Variants in ARHGEF12 observed in about 807,000 individuals in gnomAD.
ARHGEF12 encodes Rho guanine nucleotide exchange factor 12, also known as KMT2A/ARHGEF12 fusion protein.
Under a neutral mutation model 211.2 loss-of-function variants are expected in ARHGEF12, and 66 were observed. The observed-to-expected ratio is 0.31, with a 90% confidence interval of 0.26 to 0.38. ARHGEF12 has a LOEUF of 0.38. Ranked by LOEUF, ARHGEF12 falls within the 10% of genes least tolerant of loss-of-function variation. ARHGEF12 has a pLI of 1.00. For missense variants in ARHGEF12, 1,429 were observed against 1,869.5 expected (o/e 0.76, Z 4.34); for synonymous variants, 592 against 638.4 (o/e 0.93, Z 1.09).
At chr11:120,380,689 T>C (rs1943853927) in intron 1 of ARHGEF12, among the ~76,000 whole-genome samples, 1 of 152,228 alleles carries the variant, frequency 6.6e-6, no homozygotes, top group South Asian at 2.1e-4. Flanking sequence ...GTTTCTTCAC[T>C]ATACTCTGTT....
intron 16 of ARHGEF12, among the ~76,000 whole-genome samples, chr11:120,445,778 A>G (rs186533812): frequency 1.3e-3 from 191 of 152,290 alleles, no homozygotes; most frequent in African/African-American, 3.7e-3. Flanking sequence ...CATGCCTGTA[A>G]TCCCAGCTAC....
chr11:120,349,999 T>C (rs1942886507), intron 1 of ARHGEF12, among the ~76,000 whole-genome samples: 1 of 152,248 alleles, frequency 6.6e-6, no homozygotes, highest in Admixed American at 6.5e-5. Flanking sequence ...TAGTTTGGAT[T>C]GGCAGTATAC....
intron 11 of ARHGEF12, among the ~76,000 whole-genome samples, chr11:120,434,961 C>T (rs1474083225): frequency 2.6e-5 from 4 of 152,162 alleles, no homozygotes; most frequent in South Asian, 2.1e-4. Flanking sequence ...CCAAGGCATT[C>T]GTTTATTAAT....
In ARHGEF12 at chr11:120,465,427, G is replaced by A. The variant is rs543167807; in HGVS notation, c.2739+65G>A. 4 of 1,583,424 alleles carry A rather than the reference G, an allele frequency of 2.5e-6. No individual in the cohort carries two copies. In the South Asian group the frequency reaches 3.4e-5, roughly 13 times the overall value. ...GTTTTTATCAATTATCAGATAAACT[G>A]GGGGAATTCTGACTAAGACTTTTAC... On this transcript the variant is annotated intron_variant, in intron 28 of 40. Transcript: ENST00000397843.
In ARHGEF12 at chr11:120,422,325, A is replaced by G. The variant is rs150046859; in HGVS notation, c.348+473A>G. Among the ~76,000 whole-genome samples, 514 of 152,282 alleles carry G rather than the reference A, an allele frequency of 3.4e-3. 2 individuals are homozygous for G. Among genetic ancestry groups the G allele is most frequent in the Non-Finnish European group, 5.1e-3 (345 of 68,020 alleles). On this transcript the variant is annotated intron_variant, in intron 6 of 40. Transcript: ENST00000397843. ...CTTGAGCCTGTATTACCAGCTACTC[A>G]GGAGGCTGAGGTGGGAGGATTGCTT...
At chr11:120,359,673 AG>A (rs1385059712) in intron 1 of ARHGEF12, among the ~76,000 whole-genome samples, 11 of 152,362 alleles carry the variant, frequency 7.2e-5, no homozygotes, top group African/African-American at 2.2e-4. Flanking sequence ...TGGTAGTTGA[AG>A]AAACTTGAAT....
chr11:120,381,600 G>A (rs904725587), intron 1 of ARHGEF12, among the ~76,000 whole-genome samples: 13 of 152,248 alleles, frequency 8.5e-5, no homozygotes, highest in African/African-American at 3.1e-4. Context: ...AGTTTCATTT[G>A]TCGCAATCCA....
chr11:120,484,085 A>T (rs903148004), intron 39 of ARHGEF12, among the ~76,000 whole-genome samples: 2 of 152,210 alleles, frequency 1.3e-5, no homozygotes, highest in African/African-American at 4.8e-5. Context: ...ATCATCATGT[A>T]TGCAGGCCGC....
Position 120,451,758 on chromosome 11 carries a change from A to G in ARHGEF12, c.2056+34A>G, listed in dbSNP as rs773605716. The G allele has an allele frequency of 2.5e-6, 4 of 1,578,794 alleles. No individual in the cohort carries two copies. In the East Asian group the frequency reaches 6.8e-5, roughly 27 times the overall value. On this transcript the variant is annotated intron_variant, in intron 22 of 40. Coordinates refer to ENST00000397843, the MANE Select transcript of ARHGEF12 (RefSeq NM_015313.3). ...TTACTGTAGTTCAGCTTAACTAAGCATCAAGATTTTAAAACAAACACACTA... is the reference window on the plus strand; with the variant it reads ...TTACTGTAGTTCAGCTTAACTAAGCGTCAAGATTTTAAAACAAACACACTA...
Position 120,486,309 on chromosome 11 carries a change from T to C in ARHGEF12, c.*1232T>C, listed in dbSNP as rs561535460. On this transcript the variant is annotated 3_prime_UTR_variant, in exon 41 of 41. Coordinates refer to ENST00000397843, the MANE Select transcript of ARHGEF12 (RefSeq NM_015313.3). ...GAAAAAGATATGGTGAAGGCAGAAC[T>C]GCTCACACCAGCTCCAGAAGCACGT... The C allele has an allele frequency of 5.9e-4, 137 of 233,370 alleles. No individual in the cohort carries two copies. The highest frequency in any genetic ancestry group is 2.7e-3 in the African/African-American group (121 of 45,452). 14.5% of individuals were successfully genotyped at this position (233,370 alleles called of 1,614,324 possible).
At chr11:120,347,278 G>A (rs199547523) in intron 1 of ARHGEF12, among the ~76,000 whole-genome samples, 1 of 95,974 alleles carries the variant, frequency 1.0e-5, no homozygotes, top group Non-Finnish European at 2.1e-5. Flanking sequence ...GTCTGTGTGT[G>A]TGTGTGTGTG....
intron 10 of ARHGEF12, 64 bp downstream of exon 10, chr11:120,429,895 C>A: frequency 1.3e-6 from 2 of 1,553,380 alleles, no homozygotes; most frequent in South Asian, 1.2e-5. Context: ...GGGAATGTGT[C>A]AGAGAATGTT....
intron 7 of ARHGEF12, among the ~76,000 whole-genome samples, chr11:120,425,437 A>T (rs546405166): frequency 1.1e-4 from 17 of 151,496 alleles, no homozygotes; most frequent in African/African-American, 4.1e-4. Context: ...TCTGGGTTCA[A>T]GTGATCCTCC....
At chr11:120,470,136 G>T (rs1252408291) in intron 30 of ARHGEF12, among the ~76,000 whole-genome samples, 1 of 152,182 alleles carries the variant, frequency 6.6e-6, no homozygotes, top group East Asian at 1.9e-4. Flanking sequence ...TAAAGATTTT[G>T]ATTTGTCTTC....
intron 29 of ARHGEF12, among the ~76,000 whole-genome samples, chr11:120,469,009 G>T (rs765241513): frequency 9.2e-5 from 14 of 152,094 alleles, no homozygotes; most frequent in Non-Finnish European, 1.9e-4. Context: ...TAGTGGTCCT[G>T]GTACTTCACG....
chr11:120,382,498 C>A (rs1018711510), intron 1 of ARHGEF12, among the ~76,000 whole-genome samples: 1 of 152,224 alleles, frequency 6.6e-6, no homozygotes, highest in African/African-American at 2.4e-5. Flanking sequence ...CCTTCACAGA[C>A]ATGTATTTTT....
intron 22 of ARHGEF12, among the ~76,000 whole-genome samples, chr11:120,452,199 G>A (rs1380456641): frequency 6.6e-6 from 1 of 152,144 alleles, no homozygotes; most frequent in Admixed American, 6.6e-5. Flanking sequence ...TGAAAGAAAG[G>A]GTAGAATATG....
intron 38 of ARHGEF12, among the ~76,000 whole-genome samples, chr11:120,480,958 A>G (rs1306576481): frequency 2.6e-5 from 4 of 152,168 alleles, no homozygotes; most frequent in Admixed American, 6.5e-5. Context: ...GAGGGAGACA[A>G]TGGCAGGAGA....
chr11:120,374,054 G>A (rs1056905914), intron 1 of ARHGEF12, among the ~76,000 whole-genome samples: 15 of 152,280 alleles, frequency 9.9e-5, no homozygotes, highest in African/African-American at 3.1e-4. Flanking sequence ...TGATCCGCCC[G>A]CCTTGGCCTG....
Sources: gnomAD v4.1 joint callset for allele counts (sites outside exome capture counted in the v4.1 genomes callset) on GRCh38, gnomAD v4.1.1 for gene constraint, MANE v1.5 for transcripts, NCBI Gene and HGNC (gene_info 2026-07-23, HGNC 2026-07-21) for gene names.